ELF2: variants seen among roughly 807,000 people sequenced by gnomAD.
ELF2 encodes the protein ETS-related transcription factor Elf-2.
ELF2 carries 11 observed loss-of-function variants against 54.8 expected under a neutral mutation model. The observed-to-expected ratio is 0.20, with a 90% CI of 0.13 to 0.33. ELF2 has a LOEUF of 0.33. Among genes scored for constraint, ELF2 ranks in the 10% least tolerant of loss-of-function variants. ELF2 has a pLI of 1.00. For synonymous variants in ELF2, 203 were observed against 245.1 expected (o/e 0.83, Z 1.61); for missense variants, 513 against 703.0 (o/e 0.73, Z 3.06).
rs1727337454 is a variant in ELF2, at chr4:139,058,431, A to ATATATATATATATATAT, written c.*551_*552insATATATATATATATATA. 1 of 148,602 alleles carries ATATATATATATATATAT rather than the reference A, an allele frequency of 6.7e-6. No individual in the cohort carries two copies. Among genetic ancestry groups the ATATATATATATATATAT allele is most frequent in the African/African-American group, 2.5e-5 (1 of 40,654 alleles). 9.2% of individuals were successfully genotyped at this position (148,602 alleles called of 1,614,324 possible). A position where few individuals can be genotyped will look rare whatever the true frequency, so the allele number is the denominator to read the frequency against. On this transcript the variant is annotated 3_prime_UTR_variant, in exon 10 of 10. Coordinates refer to ENST00000686138, the MANE Select transcript of ELF2 (RefSeq NM_001331036.3). ...TGTATATATATATATATATATATAT[A>ATATATATATATATATAT]AAATCGCACTAGATCTTTTTTTGCT...
chr4:139,059,337 T>C lies in ELF2; in HGVS notation c.1428A>G (p.Ser476=), dbSNP rs144325494. Residue 476 remains serine, a synonymous_variant, in exon 10 of 10, where the codon TCA becomes TCG. Coordinates refer to ENST00000686138, the MANE Select transcript of ELF2 (RefSeq NM_001331036.3). ...QLAQCQLQTK[S]NLTGSGSINI... ...TAATGCTTCCTGATCCAGTCAGATTTGACTTTGTCTGCAGTTGACACTGTG... is the reference window on the plus strand; with the variant it reads ...TAATGCTTCCTGATCCAGTCAGATTCGACTTTGTCTGCAGTTGACACTGTG... 1.2e-6 allele frequency: 2 copies of C among 1,613,910 alleles called. No individual in the cohort carries two copies. Among genetic ancestry groups the C allele is most frequent in the African/African-American group, 2.7e-5 (2 of 74,942 alleles).
chr4:139,070,299 T>C (rs1231855493), intron 6 of ELF2, among the ~76,000 whole-genome samples: 1 of 150,812 alleles, frequency 6.6e-6, no homozygotes, highest in African/African-American at 2.4e-5. Context: ...AATGTGGTGT[T>C]TTTTTTTTTG....
At chr4:139,090,903 A>T (rs1732497175) in intron 4 of ELF2, among the ~76,000 whole-genome samples, 1 of 136,028 alleles carries the variant, frequency 7.4e-6, no homozygotes. Context: ...GTTTTCCCTT[A>T]TAGTATATGG....
In ELF2 at chr4:139,135,232, T is replaced by C. The variant is rs1028298008; in HGVS notation, c.72+2398A>G. On this transcript the variant is annotated intron_variant, in intron 3 of 9. Coordinates refer to ENST00000686138, the MANE Select transcript of ELF2 (RefSeq NM_001331036.3). ...ATATTCTATTATACATATACTACTA[T>C]ATATATGTGTGTGTGTGTGTGTGTG... Among the ~76,000 whole-genome samples, 120 of 78,564 alleles carry C rather than the reference T, an allele frequency of 1.5e-3. 2 individuals carry two copies. The East Asian group carries it at 0.027, about 18-fold the overall frequency. The allele number at this position is 78,564 out of a possible 152,430, so 51.5% of individuals were successfully genotyped here. A position where few individuals can be genotyped will look rare whatever the true frequency, so the allele number is the denominator to read the frequency against.
chr4:139,172,882 C>CGGGGGGGG (rs59019279), intron 1 of ELF2, among the ~76,000 whole-genome samples: 1 of 51,160 alleles, frequency 2.0e-5, no homozygotes, highest in Non-Finnish European at 4.1e-5. Context: ...ACACAGATAA[C>CGGGGGGGG]GGGGGGGGGG....
chr4:139,062,081 G>T, intron 7 of ELF2, 24 bp from the exon 8 acceptor site: 2 of 1,591,350 alleles, frequency 1.3e-6, no homozygotes, highest in South Asian at 1.1e-5. Context: ...GACAGACATT[G>T]ATTAAAATTC....
chr4:139,132,974 C>T (rs919702609), intron 3 of ELF2, among the ~76,000 whole-genome samples: 10 of 150,968 alleles, frequency 6.6e-5, no homozygotes, highest in African/African-American at 2.4e-4. Context: ...TCACTGTAAG[C>T]TCCGCCTCCC....
intron 7 of ELF2, among the ~76,000 whole-genome samples, chr4:139,065,344 G>C (rs767911980): frequency 3.9e-5 from 6 of 152,090 alleles, no homozygotes; most frequent in African/African-American, 1.2e-4. Context: ...AGACACGGTG[G>C]TATGTGCCTG....
At chr4:139,139,810 C>T (rs1182155563) in intron 1 of ELF2, among the ~76,000 whole-genome samples, 2 of 151,726 alleles carry the variant, frequency 1.3e-5, no homozygotes, top group Non-Finnish European at 2.9e-5. Flanking sequence ...CTCCATTGGG[C>T]AAGTTCTAAT....
intron 1 of ELF2, among the ~76,000 whole-genome samples, chr4:139,170,659 T>TA (rs35573047): frequency 0.36 from 52,407 of 145,314 alleles, 10,150 homozygotes; most frequent in African/African-American, 0.53. Flanking sequence ...AATATATTTC[T>TA]AAAAAAAAAA....
intron 1 of ELF2, among the ~76,000 whole-genome samples, chr4:139,156,465 C>T (rs1740550129): frequency 6.6e-6 from 1 of 152,130 alleles, no homozygotes; most frequent in African/African-American, 2.4e-5. Flanking sequence ...AGGCGTTAGC[C>T]ACCATGCCCG....
chr4:139,177,872 G>C (rs1002975660), upstream of ELF2, among the ~76,000 whole-genome samples: 3 of 152,160 alleles, frequency 2.0e-5, no homozygotes, highest in Non-Finnish European at 4.4e-5. Flanking sequence ...CTCCTAGCCC[G>C]GTCTTTCCAG....
At position 139,077,214 on chromosome 4, in the gene ELF2, A is replaced by G. The variant is rs567137539; in HGVS notation, c.239-3647T>C. ...TTAAAAAAATATATATCTGCACTAT[A>G]TATTTCCAGTGGAACATCCCAAATC... On this transcript the variant is annotated intron_variant, in intron 4 of 9. Coordinates refer to ENST00000686138, the MANE Select transcript of ELF2 (RefSeq NM_001331036.3). 2.2e-4 allele frequency among the ~76,000 whole-genome samples: 33 copies of G among 152,322 alleles called. 1 individual carries two copies. The highest frequency in any genetic ancestry group is 6.7e-4 in the African/African-American group (28 of 41,584).
intron 1 of ELF2, among the ~76,000 whole-genome samples, chr4:139,146,679 T>C (rs1262861510): frequency 6.6e-6 from 1 of 152,100 alleles, no homozygotes; most frequent in Non-Finnish European, 1.5e-5. Context: ...AATAGACACA[T>C]TGACCAATGG....
At chr4:139,105,183 T>A (rs1291391379) in intron 4 of ELF2, among the ~76,000 whole-genome samples, 1 of 152,212 alleles carries the variant, frequency 6.6e-6, no homozygotes, top group Non-Finnish European at 1.5e-5. Flanking sequence ...ATGAGTTTAT[T>A]ATTTTAGCTT....
At chr4:139,156,137 T>C (rs1578949331) in intron 1 of ELF2, among the ~76,000 whole-genome samples, 1 of 152,230 alleles carries the variant, frequency 6.6e-6, no homozygotes, top group East Asian at 1.9e-4. Context: ...GTTATCCAGT[T>C]AACATGTTAT....
intron 1 of ELF2, among the ~76,000 whole-genome samples, chr4:139,159,767 C>T (rs554578178): frequency 1.7e-4 from 26 of 152,314 alleles, no homozygotes; most frequent in Non-Finnish European, 3.2e-4. Context: ...TGAATGACTC[C>T]AGCTTCCTTT....
chr4:139,060,922 T>C (rs73852758), intron 8 of ELF2, among the ~76,000 whole-genome samples: 12 of 152,338 alleles, frequency 7.9e-5, no homozygotes, highest in African/African-American at 2.9e-4. Flanking sequence ...TGAAAGTTCA[T>C]TCTTTTTCTT....
At chr4:139,110,711 C>A (rs902079766) in intron 4 of ELF2, among the ~76,000 whole-genome samples, 2 of 151,808 alleles carry the variant, frequency 1.3e-5, no homozygotes. Context: ...TGCTTAGGAG[C>A]TATGATTTGA....
Sources: allele counts gnomAD v4.1 joint callset (sites outside exome capture counted in the v4.1 genomes callset), GRCh38; gene constraint gnomAD v4.1.1; transcripts MANE v1.5; gene names NCBI Gene and HGNC (gene_info 2026-07-23, HGNC 2026-07-21).